Variants in RNF121 observed in about 807,000 individuals in gnomAD.
The protein encoded by RNF121 is ring finger protein 121.
Under a neutral mutation model 46.5 loss-of-function variants are expected in RNF121, and 21 were observed. The observed-to-expected ratio is 0.45, with a 90% CI of 0.32 to 0.65. The LOEUF is 0.65. RNF121 is among the 30% of genes least tolerant of loss of function. RNF121 has a pLI of 0.04. For synonymous variants in RNF121, 139 were observed against 144.7 expected (o/e 0.96, Z 0.28); for missense variants, 346 against 416.0 (o/e 0.83, Z 1.46).
At chr11:71,942,028 G>A (rs1953581585) in intron 1 of RNF121, among the ~76,000 whole-genome samples, 1 of 151,046 alleles carries the variant, frequency 6.6e-6, no homozygotes, top group Non-Finnish European at 1.5e-5. Flanking sequence ...CGCCTCCTGG[G>A]TTCGTGCCAT....
intron 1 of RNF121, among the ~76,000 whole-genome samples, chr11:71,930,293 A>G (rs1249493906): frequency 6.6e-6 from 1 of 152,156 alleles, no homozygotes; most frequent in Non-Finnish European, 1.5e-5. Context: ...AGAATCTTAG[A>G]GGCCCCTTGC....
intron 3 of RNF121, among the ~76,000 whole-genome samples, chr11:71,980,608 A>C (rs1954631216): frequency 6.6e-6 from 1 of 152,126 alleles, no homozygotes; most frequent in African/African-American, 2.4e-5. Flanking sequence ...TGGCCTCCCA[A>C]AGTGCTGGGA....
chr11:71,969,085 C>A (rs1954360845), intron 3 of RNF121, among the ~76,000 whole-genome samples: 1 of 151,894 alleles, frequency 6.6e-6, no homozygotes, highest in Admixed American at 6.6e-5. Context: ...CAGAGTTTCA[C>A]CATGTTGGTC....
At chr11:71,975,605 C>G (rs1187475587) in intron 3 of RNF121, among the ~76,000 whole-genome samples, 1 of 152,212 alleles carries the variant, frequency 6.6e-6, no homozygotes, top group East Asian at 1.9e-4. Flanking sequence ...TGTTTCTCCT[C>G]AGTAGACTTG....
chr11:71,964,408 A>AT (rs1440760466), intron 3 of RNF121, among the ~76,000 whole-genome samples: 2 of 145,016 alleles, frequency 1.4e-5, no homozygotes, highest in East Asian at 4.0e-4. Flanking sequence ...TTTTTTTAGG[A>AT]TTTTTTATAT....
intron 1 of RNF121, among the ~76,000 whole-genome samples, chr11:71,942,545 T>G (rs1953599914): frequency 6.6e-6 from 1 of 151,924 alleles, no homozygotes; most frequent in South Asian, 2.1e-4. Flanking sequence ...GGCGGATTAC[T>G]TGAGACTAGG....
intron 1 of RNF121, among the ~76,000 whole-genome samples, chr11:71,941,208 A>G (rs1953558921): frequency 6.6e-6 from 1 of 152,230 alleles, no homozygotes; most frequent in South Asian, 2.1e-4. Context: ...GTTAGGAGAT[A>G]TTGCAGTAGT....
chr11:71,993,999 C>T (rs909491630), intron 6 of RNF121, among the ~76,000 whole-genome samples: 2 of 151,860 alleles, frequency 1.3e-5, no homozygotes, highest in Non-Finnish European at 1.5e-5. Flanking sequence ...CCCCACCATG[C>T]CTGGCTAATT....
chr11:71,987,949 C>T (rs1286455180), intron 5 of RNF121, among the ~76,000 whole-genome samples: 3 of 152,214 alleles, frequency 2.0e-5, no homozygotes, highest in South Asian at 2.1e-4. Flanking sequence ...AAGAATGTCG[C>T]AGTCCAGATG....
Position 71,929,176 on chromosome 11 carries a change from G to A in RNF121, c.63+52G>A, listed in dbSNP as rs1323757247. 5.2e-6 allele frequency: 8 copies of A among 1,532,960 alleles called. No individual in the cohort carries two copies. In the East Asian group the frequency reaches 1.7e-4, roughly 33 times the overall value. 95.0% of individuals were successfully genotyped at this position (1,532,960 alleles called of 1,614,324 possible). On this transcript the variant is annotated intron_variant, in intron 1 of 8. Coordinates refer to ENST00000361756, the MANE Select transcript of RNF121 (RefSeq NM_018320.5). ...GACTCAACCTGAGACTGAGGGGAGG[G>A]GCAGTGAGGTATCGGGAGGTGGGGG...
At chr11:71,977,212 G>A (rs1247063170) in intron 3 of RNF121, among the ~76,000 whole-genome samples, 1 of 152,220 alleles carries the variant, frequency 6.6e-6, no homozygotes, top group Admixed American at 6.5e-5. Context: ...GTGGGAGGGT[G>A]ATCCCTAGCT....
At chr11:71,984,696 A>G (rs1245635576) in intron 4 of RNF121, among the ~76,000 whole-genome samples, 1 of 149,276 alleles carries the variant, frequency 6.7e-6, no homozygotes, top group African/African-American at 2.5e-5. Flanking sequence ...CTCCTGGCTT[A>G]GCCTCCCAAG....
Position 71,960,766 on chromosome 11 carries a change from A to G in RNF121, c.118A>G (p.Met40Val). The change falls in exon 3 of 9, where the codon ATG becomes GTG. Residue 40 changes from methionine (M) to valine (V), a missense_variant. Met to Val is a conservative substitution (Grantham distance 21, BLOSUM62 1). This residue lies in a region of RNF121 where 286 missense variants were observed against 383.8 expected (regional missense o/e 0.75). Transcript: ENST00000361756. ...GGCTTTCAGGGTCGAGCACGCACGC[A>G]TGCATGCCAAGCACCGTGGCCATGA... Reference protein sequence around the residue: ...EEQWRVEHARMHAKHRGHEAM... With the variant: ...EEQWRVEHARVHAKHRGHEAM... The G allele has an allele frequency of 5.0e-6, 8 of 1,614,028 alleles. No individual in the cohort carries two copies. The highest frequency in any genetic ancestry group is 2.2e-5 in the East Asian group (1 of 44,882).
At chr11:71,935,485 A>G (rs756046110) in intron 1 of RNF121, among the ~76,000 whole-genome samples, 58 of 152,148 alleles carry the variant, frequency 3.8e-4, no homozygotes, top group South Asian at 8.3e-4. Flanking sequence ...CATTATGTAC[A>G]TTTGGGTCTT....
chr11:71,989,803 T>G (rs1457101357), intron 5 of RNF121, among the ~76,000 whole-genome samples: 1 of 152,198 alleles, frequency 6.6e-6, no homozygotes, highest in African/African-American at 2.4e-5. Context: ...ATTTGTAGTT[T>G]ATAATTTTAT....
At chr11:71,978,129 G>A (rs1954569239) in intron 3 of RNF121, 2 of 443,896 alleles carry the variant, frequency 4.5e-6, no homozygotes, top group African/African-American at 4.1e-5. Flanking sequence ...TCAAGCTCCT[G>A]GGCTCAAGCG....
chr11:71,954,989 T>C (rs1244815343), intron 1 of RNF121, among the ~76,000 whole-genome samples: 1 of 152,168 alleles, frequency 6.6e-6, no homozygotes, highest in East Asian at 1.9e-4. Flanking sequence ...GCTGTTCTCC[T>C]TGAAAGACAT....
intron 3 of RNF121, among the ~76,000 whole-genome samples, chr11:71,968,427 G>T (rs1954339739): frequency 6.6e-6 from 1 of 152,168 alleles, no homozygotes; most frequent in African/African-American, 2.4e-5. Flanking sequence ...GGCCCATCTT[G>T]CTGTTCCTGA....
chr11:71,951,128 G>A (rs1953866895), intron 1 of RNF121, among the ~76,000 whole-genome samples: 6 of 151,936 alleles, frequency 3.9e-5, no homozygotes, highest in Admixed American at 3.9e-4. Flanking sequence ...GGACGCTGAG[G>A]TGGGAGAATC....
Sources: allele counts gnomAD v4.1 joint callset (sites outside exome capture counted in the v4.1 genomes callset), GRCh38; gene constraint gnomAD v4.1.1; regional missense constraint gnomAD v4.1.1; transcripts MANE v1.5; gene names NCBI Gene and HGNC (gene_info 2026-07-23, HGNC 2026-07-21).